Variants in RUNX1 observed in about 807,000 individuals in gnomAD.
The protein encoded by RUNX1 is runt-related transcription factor 1.
Under a neutral mutation model 42.8 loss-of-function variants are expected in RUNX1, and 19 were observed. The observed-to-expected ratio is 0.44, with a 90% confidence interval of 0.31 to 0.65. RUNX1 has a LOEUF of 0.65. RUNX1 is among the 30% of genes least tolerant of loss of function. The pLI, the probability that RUNX1 is intolerant of heterozygous loss-of-function variation, is 0.07. For synonymous variants in RUNX1, 271 were observed against 289.4 expected, an observed-to-expected ratio of 0.94 and a Z score of 0.64; for missense variants, 528 against 672.0, an observed-to-expected ratio of 0.79 and a Z score of 2.37.
At chr21:34,875,469 AT>A (rs2057801170) in intron 5 of RUNX1, among the ~76,000 whole-genome samples, 1 of 152,196 alleles carries the variant, frequency 6.6e-6, no homozygotes, top group Non-Finnish European at 1.5e-5. Flanking sequence ...CAGTATATAT[AT>A]TATTTTAAAG....
chr21:34,798,903 G>A (rs908416920), intron 8 of RUNX1, among the ~76,000 whole-genome samples: 5 of 152,056 alleles, frequency 3.3e-5, no homozygotes, highest in Admixed American at 1.3e-4. Context: ...ATGTACTCCC[G>A]TGTGCTGTCC....
At chr21:34,881,086 A>C (rs1460196016) in intron 4 of RUNX1, among the ~76,000 whole-genome samples, 1 of 152,146 alleles carries the variant, frequency 6.6e-6, no homozygotes, top group East Asian at 1.9e-4. Flanking sequence ...AACAAGACTA[A>C]CCATAGCAAG....
chr21:34,898,905 C>T (rs942304461), intron 2 of RUNX1, among the ~76,000 whole-genome samples: 5 of 152,020 alleles, frequency 3.3e-5, no homozygotes, highest in Non-Finnish European at 7.4e-5. Context: ...TCCAGTATCT[C>T]AGATAGAACT....
chr21:34,793,803 A>G (rs1197143844), intron 8 of RUNX1, among the ~76,000 whole-genome samples: 1 of 151,922 alleles, frequency 6.6e-6, no homozygotes, highest in African/African-American at 2.4e-5. Flanking sequence ...TCCTGGGCTC[A>G]AGCAATTCTA....
At chr21:34,943,976 A>G (rs1166332744) in intron 2 of RUNX1, among the ~76,000 whole-genome samples, 1 of 152,126 alleles carries the variant, frequency 6.6e-6, no homozygotes, top group Non-Finnish European at 1.5e-5. Context: ...GAGTTTAAGG[A>G]AATAATTTCT....
intron 7 of RUNX1, among the ~76,000 whole-genome samples, chr21:34,832,428 T>C (rs1235656218): frequency 1.3e-5 from 2 of 152,196 alleles, no homozygotes; most frequent in Admixed American, 6.5e-5. Context: ...GAATTTTCCA[T>C]TGCCTTTAAA....
intron 6 of RUNX1, among the ~76,000 whole-genome samples, chr21:34,856,965 G>C (rs964426120): frequency 6.6e-6 from 1 of 152,128 alleles, no homozygotes; most frequent in Non-Finnish European, 1.5e-5. Context: ...CAAACCATAA[G>C]AAACCAGCAT....
chr21:34,853,559 C>T (rs914189018), intron 6 of RUNX1, among the ~76,000 whole-genome samples: 3 of 152,088 alleles, frequency 2.0e-5, no homozygotes, highest in Admixed American at 6.5e-5. Flanking sequence ...GCAAGGTATA[C>T]GATTTATTTT....
intron 7 of RUNX1, among the ~76,000 whole-genome samples, chr21:34,831,258 C>A (rs1468950326): frequency 6.6e-6 from 1 of 151,962 alleles, no homozygotes; most frequent in Non-Finnish European, 1.5e-5. Flanking sequence ...CAGTTTAAGA[C>A]CTGGTAAAAT....
chr21:34,791,442 C>T lies in RUNX1; in HGVS notation c.*693G>A, dbSNP rs909120678. 1.8e-5 allele frequency: 4 copies of T among 225,070 alleles called. No homozygotes were observed. The highest frequency in any genetic ancestry group is 9.1e-5 in the African/African-American group (4 of 43,984). The allele number at this position is 225,070 out of a possible 1,614,324, so 13.9% of individuals were successfully genotyped here. On this transcript the variant is annotated 3_prime_UTR_variant, in exon 9 of 9. Coordinates refer to ENST00000675419, the MANE Select transcript of RUNX1 (RefSeq NM_001754.5). ...AAGCTGTAGCTGTTTCTCAAAAAAA[C>T]AAAACAAAACAAAAAAAAACAACTA...
intron 2 of RUNX1, among the ~76,000 whole-genome samples, chr21:34,908,653 G>A (rs1432594776): frequency 6.6e-6 from 1 of 152,112 alleles, no homozygotes; most frequent in Non-Finnish European, 1.5e-5. Context: ...CTATCTTTTT[G>A]TGCTGAAGCT....
At chr21:35,001,538 A>G (rs1055382189) in intron 2 of RUNX1, among the ~76,000 whole-genome samples, 1 of 152,154 alleles carries the variant, frequency 6.6e-6, no homozygotes, top group Admixed American at 6.5e-5. Context: ...CACAACTAAC[A>G]TAATACCGAA....
At chr21:34,985,592 C>T (rs945290906) in intron 2 of RUNX1, among the ~76,000 whole-genome samples, 2 of 152,178 alleles carry the variant, frequency 1.3e-5, no homozygotes, top group East Asian at 1.9e-4. Flanking sequence ...ATACTGACCC[C>T]TACTCCAAAT....
intron 2 of RUNX1, among the ~76,000 whole-genome samples, chr21:34,939,192 T>A (rs1415965283): frequency 6.6e-6 from 1 of 152,222 alleles, no homozygotes; most frequent in Admixed American, 6.5e-5. Context: ...CCACAAAAAA[T>A]TATCCTCTGG....
At chr21:35,023,027 C>T (rs2059211059) in intron 2 of RUNX1, among the ~76,000 whole-genome samples, 1 of 151,830 alleles carries the variant, frequency 6.6e-6, no homozygotes, top group Non-Finnish European at 1.5e-5. Context: ...TCACTGCAGC[C>T]TCAGTCTCCA....
At chr21:34,888,886 G>A (rs998789782) in intron 3 of RUNX1, among the ~76,000 whole-genome samples, 1 of 151,658 alleles carries the variant, frequency 6.6e-6, no homozygotes, top group East Asian at 1.9e-4. Flanking sequence ...GCTACTGTAC[G>A]CAGCCCGGGC....
rs1418986060 is a variant in RUNX1 at position 34,789,660 on chromosome 21, C to A, written c.*2475G>T. ...GTGAGACCTATCGCCAAAACAACTA[C>A]AGTTTGATTTTTTTTGAAACAATTA... On this transcript the variant is annotated 3_prime_UTR_variant, in exon 9 of 9. Coordinates refer to ENST00000675419, the MANE Select transcript of RUNX1 (RefSeq NM_001754.5). The A allele has an allele frequency of 1.3e-5, 3 of 233,280 alleles. No homozygotes were observed. The highest frequency in any genetic ancestry group is 2.5e-5 in the Non-Finnish European group (3 of 118,044). The allele number at this position is 233,280 out of a possible 1,614,324, so 14.5% of individuals were successfully genotyped here.
chr21:34,862,188 C>T (rs1214395883), intron 5 of RUNX1, among the ~76,000 whole-genome samples: 3 of 152,010 alleles, frequency 2.0e-5, no homozygotes, highest in Non-Finnish European at 4.4e-5. Context: ...GCAATACAAA[C>T]GATTTTACCT....
rs531266281 is a variant in RUNX1, at chr21:34,876,980, C to G, written c.508+3577G>C. Among the ~76,000 whole-genome samples the G allele has an allele frequency of 5.3e-5, 8 of 152,296 alleles. No individual in the cohort carries two copies. In the South Asian group the frequency reaches 1.7e-3, roughly 32 times the overall value. ...CAAGCGATTCTCCTGCCTCATCCTC[C>G]TGAGTAGCTGGGATTACAGGCGCCC... On this transcript the variant is annotated intron_variant, in intron 5 of 8. Transcript: ENST00000675419.
Sources: allele counts gnomAD v4.1 joint callset (sites outside exome capture counted in the v4.1 genomes callset), GRCh38; gene constraint gnomAD v4.1.1; transcripts MANE v1.5; gene names NCBI Gene and HGNC (gene_info 2026-07-23, HGNC 2026-07-21).